Variants in HERC1 observed in about 807,000 individuals in gnomAD.
The protein encoded by HERC1 is probable E3 ubiquitin-protein ligase HERC1.
In HERC1, 160 loss-of-function variants were observed where a neutral mutation model predicts 554.3. The ratio of observed to expected loss-of-function variants is 0.29; its 90% CI spans 0.25 to 0.33. The LOEUF is 0.33. Ranked by LOEUF, HERC1 falls within the 10% of genes least tolerant of loss-of-function variation. The probability of loss-of-function intolerance (pLI) is 1.00; values close to 1 mark genes in which losing one functional copy is unlikely to be tolerated. For synonymous variants in HERC1, 2,175 were observed against 2,131.7 expected (o/e 1.02, Z -0.56); for missense variants, 4,919 against 5,918.5 (o/e 0.83, Z 5.54).
In HERC1 at chr15:63,616,459, T is replaced by A; in HGVS notation, c.13912A>T (p.Ser4638Cys). The part of the protein sequence containing the change: ...TLNSILHIED[S>C]GITEESFHEM... ...TGGAAACTCTCCTCGGTAATCCCACTGTCTTCAATGTGAAGAATGCTGTTG... is the reference window on the plus strand; with the variant it reads ...TGGAAACTCTCCTCGGTAATCCCACAGTCTTCAATGTGAAGAATGCTGTTG... The change falls in exon 75 of 78, where the codon AGT (serine) becomes TGT (cysteine). Residue 4638 changes from serine (S) to cysteine (C), a missense_variant. Ser to Cys is a moderately radical substitution (Grantham distance 112). This residue lies in a region of HERC1 where 284 missense variants were observed against 294.1 expected (regional missense o/e 0.97). Coordinates refer to ENST00000443617, the MANE Select transcript of HERC1 (RefSeq NM_003922.4). 6.2e-7 allele frequency: 1 copy of A among 1,613,888 alleles called. No homozygotes were observed. Among genetic ancestry groups the A allele is most frequent in the Non-Finnish European group, 8.5e-7 (1 of 1,179,814 alleles).
intron 3 of HERC1, among the ~76,000 whole-genome samples, chr15:63,761,123 T>C (rs2075597077): frequency 6.6e-6 from 1 of 152,188 alleles, no homozygotes; most frequent in African/African-American, 2.4e-5. Context: ...ACAGCAATTA[T>C]CAACATGCAA....
At chr15:63,651,612 CAACTT>C (rs2069683932) in intron 52 of HERC1, among the ~76,000 whole-genome samples, 1 of 152,278 alleles carries the variant, frequency 6.6e-6, no homozygotes, top group East Asian at 1.9e-4. Context: ...ATGTAGTACA[CAACTT>C]GTCAATAAAG....
chr15:63,798,319 A>T (rs2076872086), intron 1 of HERC1, among the ~76,000 whole-genome samples: 2 of 152,200 alleles, frequency 1.3e-5, no homozygotes, highest in South Asian at 4.1e-4. Flanking sequence ...TCAGTGCTTA[A>T]CCAGTTAAAG....
rs746605595 is a variant in HERC1 at position 63,725,380 on chromosome 15, G to C, written c.3480C>G (p.Ser1160=). Residue 1160 remains serine (S), a synonymous_variant, in exon 18 of 78, where the codon TCC becomes TCG. Coordinates refer to ENST00000443617, the MANE Select transcript of HERC1 (RefSeq NM_003922.4). The stretch of plus-strand genomic sequence containing the variant: ...TGTCCTGTTCCTCTGGAGACACAGG[G>C]GAGCCCTGAAGCATGCCACCAAGAC... The part of the protein sequence containing the change: ...GRCLGGMLQG[S]PVSPEEQDTA... The C allele has an allele frequency of 9.9e-6, 16 of 1,613,714 alleles. No homozygotes were observed. The highest frequency in any genetic ancestry group is 4.5e-5 in the East Asian group (2 of 44,898).
intron 74 of HERC1, among the ~76,000 whole-genome samples, chr15:63,617,242 T>C (rs1301355403): frequency 6.6e-6 from 1 of 152,142 alleles, no homozygotes; most frequent in Non-Finnish European, 1.5e-5. Flanking sequence ...TTCCCACCTA[T>C]GAGTGAGAAC....
intron 1 of HERC1, among the ~76,000 whole-genome samples, chr15:63,801,129 G>C (rs148108223): frequency 6.6e-6 from 1 of 152,248 alleles, no homozygotes; most frequent in African/African-American, 2.4e-5. Flanking sequence ...CCTACCCCCT[G>C]TATCTTGCCC....
In HERC1 at chr15:63,686,450, A is replaced by G. The variant is rs1161825890; in HGVS notation, c.6134T>C (p.Val2045Ala). The change falls in exon 34 of 78, where the codon GTG (valine) becomes GCG (alanine). Residue 2045 changes from valine (V) to alanine (A), a missense_variant. By Grantham distance (64) the Val-to-Ala change is moderately conservative. Coordinates refer to ENST00000443617, the MANE Select transcript of HERC1 (RefSeq NM_003922.4). ...FDPEKAQCCL[V>A]ENGQILTHGS... ...GTGAGTTAAAATCTGTCCATTCTCC[A>G]CTAGGCAACACTGAGCTTTCTCCGG... 3.1e-6 allele frequency: 5 copies of G among 1,613,750 alleles called. No individual in the cohort carries two copies. The South Asian group carries it at 5.5e-5, about 18-fold the overall frequency.
rs2071766048 is a variant in HERC1 at position 63,686,387 on chromosome 15, C to A, written c.6197G>T (p.Gly2066Val). The A allele has an allele frequency of 2.5e-6, 4 of 1,612,724 alleles. No individual in the cohort carries two copies. The highest frequency in any genetic ancestry group is 3.4e-6 in the Non-Finnish European group (4 of 1,179,516). ...GGKGYGLASTGVTSGCYQWKF... is the reference protein window; with the variant it reads ...GGKGYGLASTVVTSGCYQWKF... The stretch of plus-strand genomic sequence containing the variant: ...CCACTGATAGCACCCAGAAGTTACT[C>A]CTGTAGATGCCAATCCATATCCTTT... Residue 2066 changes from glycine to valine, a missense_variant, in exon 34 of 78, where the codon GGA (glycine) becomes GTA (valine). Gly to Val is a moderately radical substitution (Grantham distance 109, BLOSUM62 -3). This residue lies in a region of HERC1 where 85 missense variants were observed against 163.2 expected (regional missense o/e 0.52). Transcript: ENST00000443617.
chr15:63,832,703 G>T (rs2078198728), intron 1 of HERC1, among the ~76,000 whole-genome samples: 2 of 152,118 alleles, frequency 1.3e-5, no homozygotes, highest in Non-Finnish European at 2.9e-5. Context: ...AGATAGTGAT[G>T]GCAGAGTTCA....
chr15:63,645,428 AAC>A lies in HERC1; in HGVS notation c.11078+53_11078+54del, dbSNP rs769141634. 8.8e-5 allele frequency: 116 copies of A among 1,311,018 alleles called. 3 individuals carry two copies. In the Middle Eastern group the frequency reaches 1.1e-3, roughly 13 times the overall value. 81.2% of individuals were successfully genotyped at this position (1,311,018 alleles called of 1,614,324 possible). On this transcript the variant is annotated intron_variant, in intron 56 of 77. Coordinates refer to ENST00000443617, the MANE Select transcript of HERC1 (RefSeq NM_003922.4). ...CTGAGAAGCCACACTTAATGCAGAT[AAC>A]AGTCTATACCAATATAAAAACTAAG...
Position 63,720,103 on chromosome 15 carries a change from C to CTTTTTTTTTTTTTTTTTTTT in HERC1, c.3743-1207_3743-1206insAAAAAAAAAAAAAAAAAAAA, listed in dbSNP as rs573648232. Reference sequence around the variant, plus strand: ...GGACTAGTCAGGTGCTTTTTCTTCCCTTTTTTTTTTTTTTTAAGAGACAGG... The same window carrying CTTTTTTTTTTTTTTTTTTTT: ...GGACTAGTCAGGTGCTTTTTCTTCCCTTTTTTTTTTTTTTTTTTTTTTTTTTTTTTTTTTTAAGAGACAGG... On this transcript the variant is annotated intron_variant, in intron 19 of 77. Transcript: ENST00000443617. Among the ~76,000 whole-genome samples the CTTTTTTTTTTTTTTTTTTTT allele has an allele frequency of 4.5e-3, 321 of 71,556 alleles. 89 individuals carry two copies. Among genetic ancestry groups the CTTTTTTTTTTTTTTTTTTTT allele is most frequent in the African/African-American group, 8.4e-3 (139 of 16,598 alleles). The allele number at this position is 71,556 out of a possible 152,430, so 46.9% of individuals were successfully genotyped here. A position where few individuals can be genotyped will look rare whatever the true frequency, so the allele number is the denominator to read the frequency against.
intron 1 of HERC1, among the ~76,000 whole-genome samples, chr15:63,829,174 T>C (rs778584250): frequency 6.6e-6 from 1 of 151,824 alleles, no homozygotes. Context: ...ATCCCAACAC[T>C]CTGAGAGGCC....
intron 27 of HERC1, among the ~76,000 whole-genome samples, chr15:63,695,584 C>T (rs1483414985): frequency 3.3e-5 from 5 of 151,858 alleles, no homozygotes; most frequent in South Asian, 4.2e-4. Flanking sequence ...GACGGGGTTT[C>T]GCCATGTTGG....
Position 63,698,795 on chromosome 15 carries a change from T to C in HERC1, c.4838A>G (p.Glu1613Gly). ...CTGGGGACTTGTAGACATACTTTCC[T>C]CTGGCTCTTTAAAACCTGGGGCATT... ...VGNAPGFKEP[E>G]ESMSTSPQAS... Residue 1613 changes from glutamate (E) to glycine (G), a missense_variant, in exon 26 of 78, where the codon GAG (glutamate) becomes GGG (glycine). By Grantham distance (98) the Glu-to-Gly change is moderately conservative. Around this residue, in one of 11 missense-constraint regions of HERC1, gnomAD observed 1,121 missense variants for 1,244.0 expected, o/e 0.90. Transcript: ENST00000443617. The C allele has an allele frequency of 6.2e-7, 1 of 1,613,960 alleles. No individual in the cohort carries two copies. The highest frequency in any genetic ancestry group is 8.5e-7 in the Non-Finnish European group (1 of 1,179,864).
intron 77 of HERC1, among the ~76,000 whole-genome samples, chr15:63,611,909 G>A (rs1003507637): frequency 6.6e-6 from 1 of 152,222 alleles, no homozygotes; most frequent in Non-Finnish European, 1.5e-5. Flanking sequence ...AGAGGGCCAG[G>A]CGTGTTGGCT....
intron 50 of HERC1, 115 bp from the exon 51 acceptor site, chr15:63,654,439 G>A (rs780877061): frequency 1.4e-6 from 1 of 729,412 alleles, no homozygotes. Flanking sequence ...AAGCAAATGG[G>A]TTAACCCATA....
chr15:63,764,537 T>C (rs1342070626), intron 2 of HERC1, among the ~76,000 whole-genome samples: 2 of 152,164 alleles, frequency 1.3e-5, no homozygotes, highest in African/African-American at 4.8e-5. Context: ...AAATGTGGTC[T>C]CAGGAAATAC....
chr15:63,661,935 C>T lies in HERC1; in HGVS notation c.8988G>A (p.Lys2996=). 1 of 1,613,970 alleles carries T rather than the reference C, an allele frequency of 6.2e-7. No individual in the cohort carries two copies. Among genetic ancestry groups the T allele is most frequent in the Non-Finnish European group, 8.5e-7 (1 of 1,179,884 alleles). The part of the protein sequence containing the change: ...CSVVSFNQHM[K]RNHPGCGRSA... ...TGCGCCCACAGCCTGGATGGTTTCTCTTCATGTGCTGATTGAAGCTGACGA... is the reference window on the plus strand; with the variant it reads ...TGCGCCCACAGCCTGGATGGTTTCTTTTCATGTGCTGATTGAAGCTGACGA... Residue 2996 remains lysine, a synonymous_variant, in exon 45 of 78, where the codon AAG becomes AAA. Coordinates refer to ENST00000443617, the MANE Select transcript of HERC1 (RefSeq NM_003922.4).
chr15:63,833,189 C>A (rs1473142445), intron 1 of HERC1, among the ~76,000 whole-genome samples: 2 of 152,186 alleles, frequency 1.3e-5, no homozygotes, highest in African/African-American at 4.8e-5. Flanking sequence ...CTAAACAATG[C>A]GCCCCGCCTC....
Sources: allele counts gnomAD v4.1 joint callset (sites outside exome capture counted in the v4.1 genomes callset), GRCh38; gene constraint gnomAD v4.1.1; regional missense constraint gnomAD v4.1.1; transcripts MANE v1.5; gene names NCBI Gene and HGNC (gene_info 2026-07-23, HGNC 2026-07-21).